The following ADGRB3 variants were observed in gnomAD, a reference collection of about 807,000 sequenced individuals.
ADGRB3 encodes the protein brain-specific angiogenesis inhibitor 3.
A neutral mutation model predicts 193.4 loss-of-function variants in ADGRB3; 37 were observed. The observed-to-expected ratio is 0.19, with a 90% CI of 0.15 to 0.25. ADGRB3 has a LOEUF of 0.25. Ranked by LOEUF, ADGRB3 falls within the 10% of genes least tolerant of loss-of-function variation. The pLI is 1.00. For missense variants in ADGRB3, 1,637 were observed against 1,852.9 expected (o/e 0.88, Z 2.14); for synonymous variants, 690 against 644.2 (o/e 1.07, Z -1.08).
chr6:68,854,233 GT>G (rs1305392853), intron 3 of ADGRB3, among the ~76,000 whole-genome samples: 1 of 152,056 alleles, frequency 6.6e-6, no homozygotes, highest in Non-Finnish European at 1.5e-5. Flanking sequence ...TCTGGAATTA[GT>G]TTATCTATAT....
intron 17 of ADGRB3, among the ~76,000 whole-genome samples, chr6:69,168,355 G>C (rs1330106681): frequency 6.6e-6 from 1 of 152,092 alleles, no homozygotes; most frequent in Non-Finnish European, 1.5e-5. Context: ...TCTAGCATGG[G>C]AAAACAAAAT....
intron 10 of ADGRB3, among the ~76,000 whole-genome samples, chr6:68,989,256 TGAAA>T (rs1769165852): frequency 6.6e-6 from 1 of 151,952 alleles, no homozygotes; most frequent in Non-Finnish European, 1.5e-5. Flanking sequence ...CGTTAAGACA[TGAAA>T]GAACAGAAAT....
intron 24 of ADGRB3, among the ~76,000 whole-genome samples, chr6:69,333,249 C>T (rs1768765614): frequency 6.6e-6 from 1 of 152,148 alleles, no homozygotes; most frequent in Non-Finnish European, 1.5e-5. Flanking sequence ...ATATTGCCTG[C>T]TTGTCAGATA....
intron 20 of ADGRB3, among the ~76,000 whole-genome samples, chr6:69,313,704 C>T (rs1768247929): frequency 6.6e-6 from 1 of 151,740 alleles, no homozygotes; most frequent in Admixed American, 6.6e-5. Context: ...TAGTGTAAAT[C>T]AGTTTCTATC....
intron 3 of ADGRB3, among the ~76,000 whole-genome samples, chr6:68,697,933 T>A (rs921346845): frequency 2.0e-5 from 3 of 151,596 alleles, no homozygotes; most frequent in African/African-American, 7.3e-5. Context: ...TAAAATTGAA[T>A]TAATAATATC....
At chr6:69,224,722 G>C (rs1420708496) in intron 17 of ADGRB3, among the ~76,000 whole-genome samples, 1 of 151,918 alleles carries the variant, frequency 6.6e-6, no homozygotes, top group African/African-American at 2.4e-5. Context: ...CTCTTCTTCA[G>C]TTTTATTCAA....
intron 3 of ADGRB3, among the ~76,000 whole-genome samples, chr6:68,856,253 T>C (rs1562058678): frequency 6.6e-6 from 1 of 152,068 alleles, no homozygotes; most frequent in Non-Finnish European, 1.5e-5. Context: ...TTGGTACCAG[T>C]AGAGTGGGGC....
At chr6:69,245,145 T>A (rs1013703358) in intron 20 of ADGRB3, among the ~76,000 whole-genome samples, 1 of 150,170 alleles carries the variant, frequency 6.7e-6, no homozygotes, top group African/African-American at 2.5e-5. Context: ...TAATAAATCA[T>A]CCACCTATGA....
intron 3 of ADGRB3, among the ~76,000 whole-genome samples, chr6:68,756,321 T>A (rs1212681921): frequency 2.0e-5 from 3 of 152,182 alleles, no homozygotes; most frequent in African/African-American, 7.2e-5. Flanking sequence ...CCCATGGGTA[T>A]GAGAGTTAAG....
At chr6:68,968,089 G>T (rs1768436446) in intron 8 of ADGRB3, among the ~76,000 whole-genome samples, 2 of 150,790 alleles carry the variant, frequency 1.3e-5, no homozygotes, top group Admixed American at 1.3e-4. Context: ...CTTGCATGAA[G>T]AGAGGACGTT....
At chr6:69,009,122 G>T (rs993597800) in intron 11 of ADGRB3, among the ~76,000 whole-genome samples, 1 of 152,040 alleles carries the variant, frequency 6.6e-6, no homozygotes, top group Non-Finnish European at 1.5e-5. Flanking sequence ...ATGCTGCTGT[G>T]CCTGATGTTG....
At chr6:68,706,309 A>G (rs777863817) in intron 3 of ADGRB3, among the ~76,000 whole-genome samples, 42 of 152,102 alleles carry the variant, frequency 2.8e-4, no homozygotes, top group Non-Finnish European at 4.4e-4. Flanking sequence ...TGGGGTGGGG[A>G]AGACTAGGGA....
intron 3 of ADGRB3, among the ~76,000 whole-genome samples, chr6:68,724,440 T>C (rs1765638347): frequency 6.6e-6 from 1 of 151,736 alleles, no homozygotes; most frequent in Non-Finnish European, 1.5e-5. Context: ...AAAGTTCTAA[T>C]TTAATAAATT....
intron 20 of ADGRB3, among the ~76,000 whole-genome samples, chr6:69,312,500 TCTC>T (rs1193866198): frequency 2.0e-5 from 3 of 151,594 alleles, no homozygotes; most frequent in Non-Finnish European, 3.0e-5. Context: ...TCCTTTGAAA[TCTC>T]CATGAATTGT....
chr6:69,332,514 G>A (rs1157953945), intron 23 of ADGRB3: 10 of 985,256 alleles, frequency 1.0e-5, no homozygotes, highest in Non-Finnish European at 1.2e-5. Context: ...TTTGCTGCCA[G>A]GGCTCACCCT....
intron 30 of ADGRB3, among the ~76,000 whole-genome samples, chr6:69,382,115 T>G (rs1468692035): frequency 6.6e-6 from 1 of 151,870 alleles, no homozygotes; most frequent in Non-Finnish European, 1.5e-5. Flanking sequence ...GAGAAAAGGG[T>G]GTAACCAGGG....
At chr6:68,723,875 T>G (rs1765627628) in intron 3 of ADGRB3, among the ~76,000 whole-genome samples, 1 of 151,618 alleles carries the variant, frequency 6.6e-6, no homozygotes. Context: ...GATAACATAT[T>G]TGAGTGTCAG....
At chr6:68,788,148 A>G (rs1206120867) in intron 3 of ADGRB3, among the ~76,000 whole-genome samples, 2 of 151,852 alleles carry the variant, frequency 1.3e-5, no homozygotes, top group African/African-American at 4.8e-5. Context: ...TTGTGTCTCT[A>G]TTTCCTTCGG....
chr6:69,027,427 T>A (rs1309387393), intron 13 of ADGRB3, among the ~76,000 whole-genome samples: 1 of 152,164 alleles, frequency 6.6e-6, no homozygotes, highest in Non-Finnish European at 1.5e-5. Flanking sequence ...CTGAGGCTGT[T>A]TTACAGTTAA....
Sources: allele counts gnomAD v4.1 joint callset (sites outside exome capture counted in the v4.1 genomes callset), GRCh38; gene constraint gnomAD v4.1.1; transcripts MANE v1.5; gene names NCBI Gene and HGNC (gene_info 2026-07-23, HGNC 2026-07-21).